The following ADAMTSL1 variants were observed in gnomAD, a reference collection of about 807,000 sequenced individuals.
ADAMTSL1 encodes ADAMTS-like protein 1.
Under a neutral mutation model 201.8 loss-of-function variants are expected in ADAMTSL1, and 126 were observed. The observed-to-expected ratio is 0.62, with a 90% confidence interval of 0.54 to 0.72. The LOEUF is 0.72. Among genes scored for constraint, ADAMTSL1 ranks in the 30% least tolerant of loss-of-function variants. The probability of loss-of-function intolerance (pLI) is 0.00; values close to 1 mark genes in which losing one functional copy is unlikely to be tolerated. For synonymous variants in ADAMTSL1, 1,121 were observed against 903.4 expected (o/e 1.24, Z -4.32); for missense variants, 2,679 against 2,277.8 (o/e 1.18, Z -3.59).
intron 1 of ADAMTSL1, among the ~76,000 whole-genome samples, chr9:17,976,532 G>T (rs940373368): frequency 6.6e-6 from 1 of 151,020 alleles, no homozygotes. Flanking sequence ...TTTTATTCTC[G>T]GAGAATTGGT....
At chr9:18,860,851 G>A (rs895478512) in intron 23 of ADAMTSL1, among the ~76,000 whole-genome samples, 1 of 152,188 alleles carries the variant, frequency 6.6e-6, no homozygotes, top group African/African-American at 2.4e-5. Flanking sequence ...GCCCAGTAAT[G>A]TTACTGGATA....
At chr9:18,104,017 T>C (rs1365719639) in intron 1 of ADAMTSL1, among the ~76,000 whole-genome samples, 1 of 152,222 alleles carries the variant, frequency 6.6e-6, no homozygotes, top group African/African-American at 2.4e-5. Context: ...TCAAAGTTAC[T>C]TTATCATGTG....
chr9:18,581,872 C>T (rs562915465), intron 4 of ADAMTSL1, among the ~76,000 whole-genome samples: 62 of 152,316 alleles, frequency 4.1e-4, no homozygotes, highest in African/African-American at 1.4e-3. Context: ...TCCCTCTCAG[C>T]TCAAGGAGGT....
intron 2 of ADAMTSL1, among the ~76,000 whole-genome samples, chr9:18,442,796 T>TA (rs1037562129): frequency 2.6e-5 from 4 of 152,136 alleles, no homozygotes; most frequent in African/African-American, 7.2e-5. Context: ...GACTGGGTGG[T>TA]AAAAGGGAGC....
chr9:17,915,170 G>A (rs1338626535), intron 1 of ADAMTSL1, among the ~76,000 whole-genome samples: 2 of 152,102 alleles, frequency 1.3e-5, no homozygotes, highest in Non-Finnish European at 2.9e-5. Context: ...CCTTTGCAAT[G>A]TCTTCCTCCC....
chr9:18,266,650 C>A (rs571594645), intron 2 of ADAMTSL1, among the ~76,000 whole-genome samples: 2 of 152,052 alleles, frequency 1.3e-5, no homozygotes, highest in South Asian at 2.1e-4. Flanking sequence ...AAGAGTCACC[C>A]TCCGGAAGGA....
At chr9:18,744,169 C>T (rs956211270) in intron 15 of ADAMTSL1, among the ~76,000 whole-genome samples, 2 of 152,232 alleles carry the variant, frequency 1.3e-5, no homozygotes, top group African/African-American at 4.8e-5. Flanking sequence ...TAGTTATGAG[C>T]ACCACAATGC....
rs572613015 is a variant in ADAMTSL1, at chr9:18,144,467, A to C, written c.88-19395A>C. 1.0e-3 allele frequency among the ~76,000 whole-genome samples: 157 copies of C among 152,136 alleles called. 1 individual carries two copies. The highest frequency in any genetic ancestry group is 3.5e-3 in the African/African-American group (144 of 41,504). ...GTGATCCTCCCTCCTCGCCCTTCCA[A>C]AGTGCTGGGATTACAGGCACGAGCC... is the stretch of plus-strand genomic sequence containing the variant. On this transcript the variant is annotated intron_variant, in intron 1 of 29. Coordinates refer to the ADAMTSL1 transcript ENST00000680146.
intron 16 of ADAMTSL1, among the ~76,000 whole-genome samples, chr9:18,769,730 T>C (rs1820577401): frequency 6.6e-6 from 1 of 152,174 alleles, no homozygotes; most frequent in Admixed American, 6.5e-5. Context: ...CACACAACCC[T>C]TCCGTTTATA....
rs35525189 is a variant in ADAMTSL1, at chr9:18,826,263, GTT to G, written c.3935-10_3935-9del. On this transcript the variant is annotated intron_variant, in intron 21 of 28. Transcript: ENST00000380548. ...GTTTGACTGATGAGTGGGGTTTTTT[GTT>G]TTTTTTTTTTCTTCCTAGGAGTGCC... is the stretch of plus-strand genomic sequence containing the variant. 6,049 of 1,343,940 alleles carry G rather than the reference GTT, an allele frequency of 4.5e-3. 13 individuals are homozygous for G. The highest frequency in any genetic ancestry group is 5.3e-3 in the Non-Finnish European group (5,219 of 975,976). The allele number at this position is 1,343,940 out of a possible 1,614,324, so 83.3% of individuals were successfully genotyped here.
At chr9:18,646,874 G>A (rs1414496654) in intron 7 of ADAMTSL1, among the ~76,000 whole-genome samples, 5 of 152,066 alleles carry the variant, frequency 3.3e-5, no homozygotes, top group African/African-American at 4.8e-5. Context: ...TCTCTGCCCG[G>A]CTTTGGTATC....
chr9:18,400,485 A>G (rs1443853251), intron 2 of ADAMTSL1, among the ~76,000 whole-genome samples: 1 of 152,228 alleles, frequency 6.6e-6, no homozygotes, highest in African/African-American at 2.4e-5. Flanking sequence ...ACGCTCTAAC[A>G]GAATACTTGC....
chr9:18,196,536 C>A lies in ADAMTSL1; in HGVS notation c.207+32555C>A, dbSNP rs117189880. ...CCTGGTACGGCAGGGATGCAGAGAG[C>A]CTGAGCTTGGCCTAATCTCTGCTGG... is the stretch of plus-strand genomic sequence containing the variant. On this transcript the variant is annotated intron_variant, in intron 2 of 29. Coordinates refer to the ADAMTSL1 transcript ENST00000680146. Among the ~76,000 whole-genome samples the A allele has an allele frequency of 1.6e-3, 243 of 152,158 alleles. No homozygotes were observed. The East Asian group carries it at 0.035, about 22-fold the overall frequency.
chr9:18,370,302 G>A (rs1836985659), intron 2 of ADAMTSL1, among the ~76,000 whole-genome samples: 1 of 151,708 alleles, frequency 6.6e-6, no homozygotes, highest in African/African-American at 2.4e-5. Flanking sequence ...AAGAGGCACT[G>A]GGGACTCCAA....
intron 1 of ADAMTSL1, among the ~76,000 whole-genome samples, chr9:17,914,025 A>C (rs1251299322): frequency 6.6e-6 from 1 of 152,228 alleles, no homozygotes; most frequent in African/African-American, 2.4e-5. Context: ...TGTGGCAATA[A>C]TCAATAGCTT....
At chr9:18,760,440 A>G (rs1820010764) in intron 16 of ADAMTSL1, among the ~76,000 whole-genome samples, 1 of 152,172 alleles carries the variant, frequency 6.6e-6, no homozygotes, top group Non-Finnish European at 1.5e-5. Context: ...AAATATGCAT[A>G]TAAATATGCA....
chr9:18,905,741 C>T (rs1321990619), intron 26 of ADAMTSL1, 41 bp from the exon 27 acceptor site: 2 of 1,547,224 alleles, frequency 1.3e-6, no homozygotes, highest in Non-Finnish European at 1.8e-6. Context: ...CCACCCTTGA[C>T]TTGGCTAATG....
In ADAMTSL1 at chr9:18,294,898, T is replaced by C. The variant is rs147468922; in HGVS notation, c.207+130917T>C. Reference sequence around the variant, plus strand: ...CATGCTTTCTCTCATTTGGTTATATTAGATAGACTTCTATGTCCTTCTTCT... The same window carrying C: ...CATGCTTTCTCTCATTTGGTTATATCAGATAGACTTCTATGTCCTTCTTCT... On this transcript the variant is annotated intron_variant, in intron 2 of 29. Transcript: ENST00000680146. Among the ~76,000 whole-genome samples the C allele has an allele frequency of 4.5e-4, 69 of 152,288 alleles. No homozygotes were observed. In the East Asian group the frequency reaches 0.013, roughly 29 times the overall value.
intron 5 of ADAMTSL1, chr9:18,622,628 T>C: frequency 1.7e-6 from 1 of 576,274 alleles, no homozygotes; most frequent in Non-Finnish European, 3.1e-6. Context: ...AAATACTTTC[T>C]GTACAAACAT....
Sources: allele counts gnomAD v4.1 joint callset (sites outside exome capture counted in the v4.1 genomes callset), GRCh38; gene constraint gnomAD v4.1.1; transcripts MANE v1.5; gene names NCBI Gene and HGNC (gene_info 2026-07-23, HGNC 2026-07-21).